Variants in TRPM2 observed in about 807,000 individuals in gnomAD.
The protein encoded by TRPM2 is estrogen-responsive element-associated gene 1 protein.
Under a neutral mutation model 174.0 loss-of-function variants are expected in TRPM2, and 161 were observed. The observed-to-expected ratio is 0.93, with a 90% CI of 0.81 to 1.05. The LOEUF is 1.05. Ranked by LOEUF, TRPM2 falls within the 50% of genes least tolerant of loss-of-function variation. The pLI, the probability that TRPM2 is intolerant of heterozygous loss-of-function variation, is 0.00. For missense variants in TRPM2, 2,057 were observed against 2,038.0 expected (o/e 1.01, Z -0.18); for synonymous variants, 954 against 861.3 (o/e 1.11, Z -1.88).
At chr21:44,398,070 G>C (rs2049489378) in intron 13 of TRPM2, among the ~76,000 whole-genome samples, 194 bp downstream of exon 13, 1 of 152,206 alleles carries the variant, frequency 6.6e-6, no homozygotes, top group Non-Finnish European at 1.5e-5. Context: ...GGTTCGTCTT[G>C]CCTGCTGCTC....
intron 3 of TRPM2, among the ~76,000 whole-genome samples, chr21:44,365,414 G>C (rs2048332173): frequency 6.6e-6 from 1 of 152,206 alleles, no homozygotes; most frequent in African/African-American, 2.4e-5. Flanking sequence ...CCGGAGACGG[G>C]GTCATGTGGC....
At chr21:44,363,019 G>A (rs1447302650) in intron 2 of TRPM2, among the ~76,000 whole-genome samples, 1 of 152,190 alleles carries the variant, frequency 6.6e-6, no homozygotes, top group Non-Finnish European at 1.5e-5. Flanking sequence ...TGATCCACCT[G>A]CCTCAGCTTC....
At chr21:44,404,045 A>G (rs2049752068) in intron 16 of TRPM2, among the ~76,000 whole-genome samples, 1 of 152,156 alleles carries the variant, frequency 6.6e-6, no homozygotes, top group African/African-American at 2.4e-5. Flanking sequence ...CCAAGCACAT[A>G]TACACATATA....
At chr21:44,406,170 T>A in intron 18 of TRPM2, 133 bp downstream of exon 18, 3 of 1,191,710 alleles carry the variant, frequency 2.5e-6, no homozygotes, top group Non-Finnish European at 3.5e-6. Flanking sequence ...GCTTTGCCCC[T>A]TGGGCTCCCA....
At chr21:44,361,641 CTG>C (rs1174476603) in intron 2 of TRPM2, among the ~76,000 whole-genome samples, 1 of 149,452 alleles carries the variant, frequency 6.7e-6, no homozygotes, top group Non-Finnish European at 1.5e-5. Flanking sequence ...TCTGTTTGTT[CTG>C]TGTTTTTTTT....
At chr21:44,410,743 T>G (rs61450674) in intron 19 of TRPM2, among the ~76,000 whole-genome samples, 4,696 of 20,672 alleles carry the variant, frequency 0.23, 1,761 homozygotes, top group African/African-American at 0.53. Flanking sequence ...CACTGTCTTG[T>G]TGAGCGTAGC....
intron 20 of TRPM2, chr21:44,414,442 G>A (rs992329662): frequency 2.1e-5 from 5 of 242,024 alleles, no homozygotes; most frequent in African/African-American, 6.6e-5. Context: ...TTATTCATGG[G>A]CTCACTGCTC....
chr21:44,432,986 G>A lies in TRPM2; in HGVS notation c.3975-2145G>A, dbSNP rs1419848533. On this transcript the variant is annotated intron_variant, in intron 27 of 31. Coordinates refer to ENST00000397928, the MANE Select transcript of TRPM2 (RefSeq NM_003307.4). This position sits in a 1 kb window ranked among gnomAD's most constrained non-coding sequence, Gnocchi z 4.9. Reference sequence around the variant, plus strand: ...GAACCATATGGACGAGATCATGACCGGGGGATCAGAGATCAGGGCACAGTG... The same window carrying A: ...GAACCATATGGACGAGATCATGACCAGGGGATCAGAGATCAGGGCACAGTG... Among the ~76,000 whole-genome samples, 5 of 152,142 alleles carry A rather than the reference G, an allele frequency of 3.3e-5. No homozygotes were observed. The highest frequency in any genetic ancestry group is 9.7e-5 in the African/African-American group (4 of 41,420).
intron 19 of TRPM2, among the ~76,000 whole-genome samples, chr21:44,413,133 T>A (rs2050158328): frequency 6.6e-6 from 1 of 152,132 alleles, no homozygotes; most frequent in South Asian, 2.1e-4. Flanking sequence ...CCCGTTTCAC[T>A]TGTCGATACA....
At position 44,375,973 on chromosome 21, in the gene TRPM2, G is replaced by A. The variant is rs763364019; in HGVS notation, c.912G>A (p.Arg304=). Residue 304 remains arginine, a synonymous_variant, in exon 6 of 32, where the codon AGG becomes AGA. Transcript: ENST00000397928. The part of the protein sequence containing the change: ...QYGVEIPLRT[R]LEKFISEQTK... ...GGGTGGAGATTCCTCTGAGGACCAG[G>A]CTGGAGAAGTTCATATCGGAGCAGA... is the stretch of plus-strand genomic sequence containing the variant. The A allele has an allele frequency of 1.9e-6, 3 of 1,614,100 alleles. No homozygotes were observed. Among genetic ancestry groups the A allele is most frequent in the Non-Finnish European group, 2.5e-6 (3 of 1,179,990 alleles).
intron 22 of TRPM2, 22 bp from the exon 23 acceptor site, chr21:44,423,623 G>C (rs1374839226): frequency 3.1e-6 from 5 of 1,605,164 alleles, no homozygotes; most frequent in Non-Finnish European, 4.2e-6. Flanking sequence ...TGTGCGTCCA[G>C]CTCAGCTGCT....
chr21:44,406,747 A>T lies in TRPM2; in HGVS notation c.2944A>T (p.Ile982Phe). Residue 982 changes from isoleucine (I) to phenylalanine (F), a missense_variant, in exon 19 of 32, where the codon ATC becomes TTC. By Grantham distance (21) the Ile-to-Phe change is conservative (BLOSUM62 0). Transcript: ENST00000397928. ...CTCCTACCTCACCATCTTCGGGCAG[A>T]TCCCGGGCTACATCGACGGTAGGAG... is the stretch of plus-strand genomic sequence containing the variant. ...YHSYLTIFGQIPGYIDGVNFN... is the reference protein window; with the variant it reads ...YHSYLTIFGQFPGYIDGVNFN... 6.2e-7 allele frequency: 1 copy of T among 1,605,760 alleles called. No individual in the cohort carries two copies. Among genetic ancestry groups the T allele is most frequent in the Non-Finnish European group, 8.5e-7 (1 of 1,178,024 alleles).
intron 29 of TRPM2, 38 bp downstream of exon 29, chr21:44,437,205 TGTCTGTGG>T: frequency 8.6e-6 from 13 of 1,514,450 alleles, no homozygotes; most frequent in Non-Finnish European, 1.2e-5. Context: ...TCCACTGGGC[TGTCTGTGG>T]GTCACTCGTC....
chr21:44,408,348 G>A (rs773494628), intron 19 of TRPM2, among the ~76,000 whole-genome samples: 14 of 151,976 alleles, frequency 9.2e-5, no homozygotes, highest in African/African-American at 1.9e-4. Flanking sequence ...AGGAATGCAC[G>A]GCTGGCTCAT....
In TRPM2 at chr21:44,380,023, T is replaced by G. The variant is rs2048832517; in HGVS notation, c.1215+826T>G. Reference sequence around the variant, plus strand: ...TCTGTGGGCAGTGGTGACCCCCAGCTGCAGGCCGCAGGGACACACCTATTT... The same window carrying G: ...TCTGTGGGCAGTGGTGACCCCCAGCGGCAGGCCGCAGGGACACACCTATTT... On this transcript the variant is annotated intron_variant, in intron 8 of 31. Transcript: ENST00000397928. Among the ~76,000 whole-genome samples, 3 of 152,330 alleles carry G rather than the reference T, an allele frequency of 2.0e-5. No individual in the cohort carries two copies. The South Asian group carries it at 6.2e-4, about 32-fold the overall frequency.
At chr21:44,404,734 A>G (rs1259924891) in intron 16 of TRPM2, among the ~76,000 whole-genome samples, 2 of 150,464 alleles carry the variant, frequency 1.3e-5, no homozygotes, top group Non-Finnish European at 3.0e-5. Context: ...GACAGCAAGG[A>G]TAGTGATGAT....
At position 44,353,804 on chromosome 21, in the gene TRPM2, G is replaced by A. The variant is rs376309877; in HGVS notation, c.104G>A (p.Arg35His). The change falls in exon 1 of 32, where the codon CGC (arginine) becomes CAC (histidine). Residue 35 changes from arginine (R) to histidine (H), a missense_variant. Transcript: ENST00000397928. Reference protein sequence around the residue: ...TDLGMVSNLRRSNSSLFKSWR... With the variant: ...TDLGMVSNLRHSNSSLFKSWR... Reference sequence around the variant, plus strand: ...CTGGGGATGGTCTCCAATCTCCGGCGCAGCAACAGCAGCCTCTTCAAGAGC... The same window carrying A: ...CTGGGGATGGTCTCCAATCTCCGGCACAGCAACAGCAGCCTCTTCAAGAGC... 17 of 1,600,736 alleles carry A rather than the reference G, an allele frequency of 1.1e-5. No homozygotes were observed. The highest frequency in any genetic ancestry group is 5.2e-5 in the Admixed American group (3 of 57,808).
At chr21:44,420,407 G>A (rs1006283035) in intron 22 of TRPM2, among the ~76,000 whole-genome samples, 1 of 152,196 alleles carries the variant, frequency 6.6e-6, no homozygotes, top group Admixed American at 6.5e-5. Flanking sequence ...GGGATGTAGA[G>A]CAGGCCCAGT....
chr21:44,382,705 A>C lies in TRPM2; in HGVS notation c.1216-13A>C. Reference sequence around the variant, plus strand: ...AGTCACTGTGTGTCTCACTTAGAAAATGCTTGTTGCAGATCCAAGATATCG... The same window carrying C: ...AGTCACTGTGTGTCTCACTTAGAAACTGCTTGTTGCAGATCCAAGATATCG... On this transcript the variant is annotated splice_polypyrimidine_tract_variant and intron_variant, in intron 8 of 31. Coordinates refer to ENST00000397928, the MANE Select transcript of TRPM2 (RefSeq NM_003307.4). 1 of 1,613,232 alleles carries C rather than the reference A, an allele frequency of 6.2e-7. No homozygotes were observed. The highest frequency in any genetic ancestry group is 8.5e-7 in the Non-Finnish European group (1 of 1,179,602).
Sources: gnomAD v4.1 joint callset for allele counts (sites outside exome capture counted in the v4.1 genomes callset) on GRCh38, gnomAD v4.1.1 for gene constraint, Gnocchi (gnomAD v3.1) non-coding constraint, MANE v1.5 for transcripts, NCBI Gene and HGNC (gene_info 2026-07-23, HGNC 2026-07-21) for gene names.